CFAP221: variants seen among roughly 807,000 people sequenced by gnomAD.
The protein encoded by CFAP221 is cilia- and flagella-associated protein 221.
A neutral mutation model predicts 113.1 loss-of-function variants in CFAP221; 97 were observed. The ratio of observed to expected loss-of-function variants is 0.86; its 90% CI spans 0.73 to 1.02. The LOEUF (loss-of-function observed/expected upper bound fraction) is 1.02. Among genes scored for constraint, CFAP221 ranks in the 50% least tolerant of loss-of-function variants. The pLI is 0.00. For missense variants in CFAP221, 1,025 were observed against 1,013.4 expected, an observed-to-expected ratio of 1.01 and a Z score of -0.16; for synonymous variants, 331 against 354.4, an observed-to-expected ratio of 0.93 and a Z score of 0.74.
At chr2:119,574,788 T>C (rs1277004420) in intron 6 of CFAP221, among the ~76,000 whole-genome samples, 1 of 152,196 alleles carries the variant, frequency 6.6e-6, no homozygotes, top group Non-Finnish European at 1.5e-5. Flanking sequence ...ATATTTAGAA[T>C]AGAGTAACTA....
rs554003821 is a variant in CFAP221 at position 119,592,484 on chromosome 2, A to G, written c.631+5262A>G. Among the ~76,000 whole-genome samples the G allele has an allele frequency of 5.3e-5, 8 of 152,158 alleles. No individual in the cohort carries two copies. In the East Asian group the frequency reaches 5.8e-4, roughly 11 times the overall value. ...ACTCCCGGCTTTGTCGTACCCTTCT[A>G]TGTTGTCTATAGCATTTATATTCTC... On this transcript the variant is annotated intron_variant, in intron 7 of 23. Transcript: ENST00000413369.
intron 2 of CFAP221, among the ~76,000 whole-genome samples, chr2:119,548,817 C>A (rs1163410029): frequency 1.3e-5 from 2 of 152,154 alleles, no homozygotes; most frequent in Admixed American, 6.6e-5. Flanking sequence ...GTGTGAAGAG[C>A]AAATTCTTTT....
rs919469639 is a variant in CFAP221 at position 119,566,288 on chromosome 2, G to A, written c.527+4174G>A. ...CAATCAACTCTACTAAAAGTGAGTC[G>A]GCTTTTGCATGTTACCATGCACTAA... On this transcript the variant is annotated intron_variant, in intron 6 of 23. Coordinates refer to ENST00000413369, the MANE Select transcript of CFAP221 (RefSeq NM_001271049.2). Among the ~76,000 whole-genome samples, 5 of 152,096 alleles carry A rather than the reference G, an allele frequency of 3.3e-5. No individual in the cohort carries two copies. The South Asian group carries it at 6.2e-4, about 19-fold the overall frequency.
chr2:119,554,797 A>G (rs994207000), intron 3 of CFAP221, among the ~76,000 whole-genome samples: 1 of 152,228 alleles, frequency 6.6e-6, no homozygotes, highest in African/African-American at 2.4e-5. Context: ...CATGACCAAG[A>G]TGCATTTTAA....
At chr2:119,560,065 T>G (rs1681127533) in intron 5 of CFAP221, 39 bp downstream of exon 5, 1 of 1,258,972 alleles carries the variant, frequency 7.9e-7, no homozygotes, top group East Asian at 2.5e-5. Flanking sequence ...TTTTTTTTTT[T>G]GATGGTGGGT....
At chr2:119,547,681 A>G (rs1188810096) in intron 2 of CFAP221, among the ~76,000 whole-genome samples, 2 of 152,324 alleles carry the variant, frequency 1.3e-5, no homozygotes, top group African/African-American at 2.4e-5. Flanking sequence ...CAGTTCCCCT[A>G]CCACACCAGC....
intron 7 of CFAP221, among the ~76,000 whole-genome samples, chr2:119,590,988 A>T (rs968470548): frequency 5.3e-5 from 8 of 152,228 alleles, no homozygotes; most frequent in African/African-American, 1.9e-4. Context: ...CATGATGAAC[A>T]GCCTTATCTC....
At chr2:119,650,242 G>A (rs1688046691) in intron 22 of CFAP221, among the ~76,000 whole-genome samples, 1 of 152,188 alleles carries the variant, frequency 6.6e-6, no homozygotes, top group African/African-American at 2.4e-5. Context: ...CCCTAAATAT[G>A]TGAGGCAAAT....
At position 119,646,980 on chromosome 2, in the gene CFAP221, A is replaced by G. The variant is rs1361396103; in HGVS notation, c.2248A>G (p.Met750Val). Residue 750 changes from methionine (M) to valine (V), a missense_variant, in exon 22 of 24, where the codon ATG (methionine) becomes GTG (valine). Transcript: ENST00000413369. Reference sequence around the variant, plus strand: ...CAGCTGCGATTCCTTCAATTCATTTATGCTTCCGATAGACGTCCCTGCCAT... The same window carrying G: ...CAGCTGCGATTCCTTCAATTCATTTGTGCTTCCGATAGACGTCCCTGCCAT... ...TKSCDSFNSF[M>V]LPIDVPAILD... 10 of 1,613,388 alleles carry G rather than the reference A, an allele frequency of 6.2e-6. No individual in the cohort carries two copies. Among genetic ancestry groups the G allele is most frequent in the Non-Finnish European group, 8.5e-6 (10 of 1,179,784 alleles).
intron 5 of CFAP221, among the ~76,000 whole-genome samples, chr2:119,561,595 G>C (rs543251925): frequency 6.6e-6 from 1 of 150,502 alleles, no homozygotes; most frequent in South Asian, 2.1e-4. Flanking sequence ...CGTCATATGA[G>C]ACAAGAAGCA....
intron 6 of CFAP221, among the ~76,000 whole-genome samples, chr2:119,579,973 G>T (rs938784026): frequency 3.9e-5 from 6 of 152,138 alleles, no homozygotes; most frequent in African/African-American, 1.4e-4. Context: ...CATCTTCAAA[G>T]ACCATATTTG....
intron 3 of CFAP221, among the ~76,000 whole-genome samples, chr2:119,558,568 A>C (rs1372752893): frequency 6.6e-6 from 1 of 152,214 alleles, no homozygotes; most frequent in African/African-American, 2.4e-5. Flanking sequence ...CTGTAATCCC[A>C]GCACTTTCAG....
intron 13 of CFAP221, among the ~76,000 whole-genome samples, chr2:119,614,149 C>T (rs1386477926): frequency 6.6e-6 from 1 of 152,232 alleles, no homozygotes; most frequent in East Asian, 1.9e-4. Context: ...CTCATCTCCA[C>T]CTGAGACCAC....
chr2:119,579,978 T>C (rs1309255349), intron 6 of CFAP221, among the ~76,000 whole-genome samples: 2 of 152,082 alleles, frequency 1.3e-5, no homozygotes, highest in African/African-American at 2.4e-5. Flanking sequence ...TCAAAGACCA[T>C]ATTTGGGCCT....
At chr2:119,608,659 T>A in intron 12 of CFAP221, 70 bp downstream of exon 12, 1 of 1,329,912 alleles carries the variant, frequency 7.5e-7, no homozygotes, top group Non-Finnish European at 1.1e-6. Context: ...ATATGCAAGA[T>A]GCCAGGTGGA....
At chr2:119,611,764 A>G in intron 13 of CFAP221, 22 bp downstream of exon 13, 1 of 1,560,530 alleles carries the variant, frequency 6.4e-7, no homozygotes, top group Non-Finnish European at 8.8e-7. Flanking sequence ...TCCTTTATTT[A>G]GAATCTGATT....
Position 119,605,040 on chromosome 2 carries a change from A to G in CFAP221, c.1024+53A>G, listed in dbSNP as rs1684640335. 5 of 1,545,350 alleles carry G rather than the reference A, an allele frequency of 3.2e-6. No individual in the cohort carries two copies. The Admixed American group carries it at 6.8e-5, about 21-fold the overall frequency. ...CCCCTGAGCAGAATATGAAAGAGTCATTGCTGGTCACACTGATTACCTATG... is the reference window on the plus strand; with the variant it reads ...CCCCTGAGCAGAATATGAAAGAGTCGTTGCTGGTCACACTGATTACCTATG... On this transcript the variant is annotated intron_variant, in intron 10 of 23. Transcript: ENST00000413369.
At chr2:119,589,601 C>T (rs1217012848) in intron 7 of CFAP221, 1 of 152,234 alleles carries the variant, frequency 6.6e-6, no homozygotes, top group Non-Finnish European at 1.5e-5. Flanking sequence ...CATATCTTCT[C>T]TAGGAACTAG....
chr2:119,626,131 A>G (rs1400960116), intron 15 of CFAP221, among the ~76,000 whole-genome samples: 2 of 152,012 alleles, frequency 1.3e-5, no homozygotes, highest in African/African-American at 2.4e-5. Context: ...CCTTCCCCAC[A>G]TGACTCTAAC....
Sources: allele counts gnomAD v4.1 joint callset (sites outside exome capture counted in the v4.1 genomes callset), GRCh38; gene constraint gnomAD v4.1.1; transcripts MANE v1.5; gene names NCBI Gene and HGNC (gene_info 2026-07-23, HGNC 2026-07-21).